The following ZNF626 variants were observed in gnomAD, a reference collection of about 807,000 sequenced individuals.
ZNF626 encodes zinc finger protein 626.
A neutral mutation model predicts 11.7 loss-of-function variants in ZNF626; 4 were observed. The observed-to-expected ratio is 0.34, with a 90% CI of 0.17 to 0.78. ZNF626 has a LOEUF of 0.78. ZNF626 is among the 30% of genes least tolerant of loss of function. The pLI is 0.57. For synonymous variants in ZNF626, 179 were observed against 198.6 expected, an observed-to-expected ratio of 0.90 and a Z score of 0.83; for missense variants, 588 against 587.1, an observed-to-expected ratio of 1.00 and a Z score of -0.01.
At chr19:20,625,734 T>C in intron 3 of ZNF626, 84 bp from the exon 4 acceptor site, 1 of 1,353,038 alleles carries the variant, frequency 7.4e-7, no homozygotes, top group Non-Finnish European at 9.8e-7. Flanking sequence ...TATAGTTTTA[T>C]ACAAACTACA....
intron 3 of ZNF626, among the ~76,000 whole-genome samples, chr19:20,636,666 A>G (rs1555770924): frequency 6.6e-6 from 1 of 152,140 alleles, no homozygotes; most frequent in Non-Finnish European, 1.5e-5. Flanking sequence ...GAATATAAAA[A>G]TAAAGACTTT....
At position 20,625,577 on chromosome 19, in the gene ZNF626, C is replaced by T. The variant is rs1555769554; in HGVS notation, c.300G>A (p.Leu100=). 1 of 1,607,286 alleles carries T rather than the reference C, an allele frequency of 6.2e-7. No individual in the cohort carries two copies. Among genetic ancestry groups the T allele is most frequent in the Non-Finnish European group, 8.5e-7 (1 of 1,177,400 alleles). ...SMKDSFQKVV[L]RRYEKCEHDN... The stretch of plus-strand genomic sequence containing the variant: ...CATGTTCACATTTTTCATATCTTCT[C>T]AGTACCACTTTTTGGAAAGAATCTT... The change falls in exon 4 of 4, where the codon CTG becomes CTA. Residue 100 remains leucine (L), a synonymous_variant. Transcript: ENST00000601440.
In ZNF626 at chr19:20,621,785, A is replaced by C. The variant is rs1435972669; in HGVS notation, c.*2505T>G. On this transcript the variant is annotated 3_prime_UTR_variant, in exon 4 of 4. Coordinates refer to ENST00000601440, the MANE Select transcript of ZNF626 (RefSeq NM_001076675.3). ...CATTCCACTACATACCAAATAGTAT[A>C]CTTCTTCCATCTTTTGCTTACACCA... 6.6e-6 allele frequency: 1 copy of C among 152,252 alleles called. No homozygotes were observed. Among genetic ancestry groups the C allele is most frequent in the African/African-American group, 2.4e-5 (1 of 41,466 alleles). The allele number at this position is 152,252 out of a possible 1,614,324, so 9.4% of individuals were successfully genotyped here.
At chr19:20,645,158 A>G in intron 3 of ZNF626, 2 of 926,862 alleles carry the variant, frequency 2.2e-6, no homozygotes, top group Non-Finnish European at 2.8e-6. Flanking sequence ...TCATGAGGAA[A>G]ATAACAAAGA....
intron 3 of ZNF626, among the ~76,000 whole-genome samples, chr19:20,632,924 C>G (rs1466812121): frequency 1.3e-5 from 2 of 151,914 alleles, no homozygotes; most frequent in African/African-American, 4.8e-5. Context: ...TTTTATCTAC[C>G]TTTGGTCTTT....
At chr19:20,632,881 T>C (rs1390561129) in intron 3 of ZNF626, among the ~76,000 whole-genome samples, 1 of 152,142 alleles carries the variant, frequency 6.6e-6, no homozygotes, top group African/African-American at 2.4e-5. Context: ...GAGTTTCCAG[T>C]TTTTCTGCTC....
At chr19:20,629,908 T>A (rs960105946) in intron 3 of ZNF626, among the ~76,000 whole-genome samples, 1 of 152,248 alleles carries the variant, frequency 6.6e-6, no homozygotes, top group Admixed American at 6.5e-5. Flanking sequence ...TGATATTGGC[T>A]GTGGGTTTGT....
At chr19:20,639,121 G>A (rs10401565) in intron 3 of ZNF626, among the ~76,000 whole-genome samples, 2 of 152,136 alleles carry the variant, frequency 1.3e-5, no homozygotes, top group African/African-American at 4.8e-5. Flanking sequence ...GCAAGTGTGA[G>A]GTGAAGGAGC....
At position 20,625,715 on chromosome 19, in the gene ZNF626, T is replaced by C. The variant is rs1464659749; in HGVS notation, c.227-65A>G. 4.2e-6 allele frequency: 6 copies of C among 1,444,230 alleles called. No individual in the cohort carries two copies. The East Asian group carries it at 1.4e-4, about 35-fold the overall frequency. The allele number at this position is 1,444,230 out of a possible 1,614,324, so 89.5% of individuals were successfully genotyped here. ...ACTCAGATAAATATAAATATATATATGCAGTTTGTATAGTTTTATACAAAC... is the reference window on the plus strand; with the variant it reads ...ACTCAGATAAATATAAATATATATACGCAGTTTGTATAGTTTTATACAAAC... On this transcript the variant is annotated intron_variant, in intron 3 of 3. Coordinates refer to ENST00000601440, the MANE Select transcript of ZNF626 (RefSeq NM_001076675.3).
At chr19:20,626,195 G>A (rs1470448027) in intron 3 of ZNF626, among the ~76,000 whole-genome samples, 4 of 152,138 alleles carry the variant, frequency 2.6e-5, no homozygotes, top group Non-Finnish European at 5.9e-5. Flanking sequence ...CTGGGAGGTG[G>A]AGGTTACAGT....
At chr19:20,630,570 G>A (rs1969891785) in intron 3 of ZNF626, among the ~76,000 whole-genome samples, 1 of 151,848 alleles carries the variant, frequency 6.6e-6, no homozygotes, top group African/African-American at 2.4e-5. Flanking sequence ...TTTGCATAGA[G>A]GTGTTTATAG....
At position 20,659,720 on chromosome 19, in the gene ZNF626, A is replaced by T. The variant is rs1016362315; in HGVS notation, c.3+1724T>A. Among the ~76,000 whole-genome samples the T allele has an allele frequency of 4.0e-5, 6 of 150,038 alleles. No individual in the cohort carries two copies. In the East Asian group the frequency reaches 7.9e-4, roughly 20 times the overall value. ...CTGTTGCAATACTTCTTAGGAATTC[A>T]TTTTTTTTTTACATAAATCTAATAT... On this transcript the variant is annotated intron_variant, in intron 1 of 3. Coordinates refer to ENST00000601440, the MANE Select transcript of ZNF626 (RefSeq NM_001076675.3).
intron 3 of ZNF626, among the ~76,000 whole-genome samples, chr19:20,638,294 G>A (rs577413776): frequency 2.4e-4 from 36 of 151,890 alleles, no homozygotes; most frequent in Non-Finnish European, 4.3e-4. Context: ...GCATGGTGGC[G>A]GGCACCTGTA....
intron 3 of ZNF626, among the ~76,000 whole-genome samples, chr19:20,640,276 T>G (rs1970010133): frequency 6.7e-6 from 1 of 148,738 alleles, no homozygotes; most frequent in Non-Finnish European, 1.5e-5. Flanking sequence ...ATTTAATTAT[T>G]AAAAATAGTT....
At chr19:20,644,199 C>T (rs10425331) in intron 3 of ZNF626, among the ~76,000 whole-genome samples, 63,826 of 151,992 alleles carry the variant, frequency 0.42, 15,013 homozygotes, top group African/African-American at 0.63. Flanking sequence ...CATGGTCAGT[C>T]CTGCCTATAT....
At chr19:20,656,267 C>T (rs1555773115) in intron 1 of ZNF626, among the ~76,000 whole-genome samples, 1 of 152,192 alleles carries the variant, frequency 6.6e-6, no homozygotes, top group East Asian at 1.9e-4. Context: ...CCCTTCATTA[C>T]ACCATATACA....
At position 20,622,438 on chromosome 19, in the gene ZNF626, T is replaced by G. The variant is rs1258431982; in HGVS notation, c.*1852A>C. On this transcript the variant is annotated 3_prime_UTR_variant, in exon 4 of 4. Coordinates refer to ENST00000601440, the MANE Select transcript of ZNF626 (RefSeq NM_001076675.3). ...TTATATTTTCGTCATGCATCTTACA[T>G]TTTAATGTCCTTACTGTTTTATAGA... The G allele has an allele frequency of 6.6e-6, 1 of 152,176 alleles. No homozygotes were observed. Among genetic ancestry groups the G allele is most frequent in the Non-Finnish European group, 1.5e-5 (1 of 68,016 alleles). 9.4% of individuals were successfully genotyped at this position (152,176 alleles called of 1,614,324 possible). A position where few individuals can be genotyped will look rare whatever the true frequency, so the allele number is the denominator to read the frequency against.
intron 3 of ZNF626, among the ~76,000 whole-genome samples, chr19:20,644,168 T>C (rs1970050810): frequency 6.6e-6 from 1 of 152,196 alleles, no homozygotes; most frequent in Non-Finnish European, 1.5e-5. Context: ...TGACTCAGTT[T>C]CCGTTACACG....
At chr19:20,653,147 G>A (rs1555772735) in intron 1 of ZNF626, among the ~76,000 whole-genome samples, 1 of 152,170 alleles carries the variant, frequency 6.6e-6, no homozygotes, top group East Asian at 1.9e-4. Context: ...CTGGAAGCCT[G>A]AGAGGGAATG....
Sources: allele counts gnomAD v4.1 joint callset (sites outside exome capture counted in the v4.1 genomes callset), GRCh38; gene constraint gnomAD v4.1.1; transcripts MANE v1.5; gene names NCBI Gene and HGNC (gene_info 2026-07-23, HGNC 2026-07-21).